Variants in SLC16A7 observed in about 807,000 individuals in gnomAD.
SLC16A7 encodes solute carrier family 16 member 7.
A neutral mutation model predicts 34.9 loss-of-function variants in SLC16A7; 33 were observed. The observed-to-expected ratio is 0.94, with a 90% CI of 0.72 to 1.26. SLC16A7 has a LOEUF of 1.26. Among genes scored for constraint, SLC16A7 ranks in the 50% most tolerant of loss-of-function variants. The pLI is 0.00. For synonymous variants in SLC16A7, 201 were observed against 206.6 expected, an observed-to-expected ratio of 0.97 and a Z score of 0.23; for missense variants, 573 against 578.1, an observed-to-expected ratio of 0.99 and a Z score of 0.09.
intron 1 of SLC16A7, among the ~76,000 whole-genome samples, chr12:59,604,652 T>A (rs1182095208): frequency 1.3e-5 from 2 of 152,072 alleles, no homozygotes; most frequent in Admixed American, 6.6e-5. Context: ...GAGGAAGCAT[T>A]TTTGTTATCC....
In SLC16A7 at chr12:59,775,112, A is replaced by G; in HGVS notation, c.817A>G (p.Lys273Glu). The change falls in exon 5 of 6, where the codon AAA becomes GAA. Residue 273 changes from lysine to glutamate, a missense_variant. Transcript: ENST00000547379. ...CATTATATTCTTGGCTCCATATGCT[A>G]AAGACCAAGGAATTGATGAGTACTC... ...APIIFLAPYA[K>E]DQGIDEYSAA... 3 of 1,614,102 alleles carry G rather than the reference A, an allele frequency of 1.9e-6. No homozygotes were observed. Among genetic ancestry groups the G allele is most frequent in the Non-Finnish European group, 2.5e-6 (3 of 1,179,996 alleles).
chr12:59,631,112 A>G (rs1256402533), intron 1 of SLC16A7, among the ~76,000 whole-genome samples: 2 of 151,908 alleles, frequency 1.3e-5, no homozygotes, highest in Non-Finnish European at 2.9e-5. Flanking sequence ...AGCTGCATCA[A>G]TTTGGTATCC....
At chr12:59,693,026 G>A (rs1871856559) in intron 2 of SLC16A7, among the ~76,000 whole-genome samples, 2 of 151,742 alleles carry the variant, frequency 1.3e-5, no homozygotes, top group Admixed American at 1.3e-4. Flanking sequence ...AAAGAAAATA[G>A]CCAAAAAACC....
intron 2 of SLC16A7, among the ~76,000 whole-genome samples, chr12:59,688,212 C>G (rs1871305884): frequency 6.6e-6 from 1 of 151,896 alleles, no homozygotes; most frequent in Admixed American, 6.6e-5. Flanking sequence ...ATTGGGGAAG[C>G]ACATAGCTGG....
chr12:59,639,615 G>A (rs1222151072), intron 1 of SLC16A7, among the ~76,000 whole-genome samples: 1 of 151,982 alleles, frequency 6.6e-6, no homozygotes, highest in Non-Finnish European at 1.5e-5. Flanking sequence ...TCAACTCCTG[G>A]GCTCAAGAGA....
In SLC16A7 at chr12:59,783,162, TA is replaced by T. The variant is rs1305368724; in HGVS notation, c.*3489del. On this transcript the variant is annotated 3_prime_UTR_variant, in exon 6 of 6. Coordinates refer to ENST00000547379, the MANE Select transcript of SLC16A7 (RefSeq NM_001270623.2). ...AAACATTTTTTATCTAAAACACCTT[TA>T]AAAAATCCCTTTCATATGTAGAATG... is the stretch of plus-strand genomic sequence containing the variant. 1.3e-5 allele frequency: 2 copies of T among 152,132 alleles called. No homozygotes were observed. Among genetic ancestry groups the T allele is most frequent in the Non-Finnish European group, 2.9e-5 (2 of 68,016 alleles). The allele number at this position is 152,132 out of a possible 1,614,324, so 9.4% of individuals were successfully genotyped here. A position where few individuals can be genotyped will look rare whatever the true frequency, so the allele number is the denominator to read the frequency against.
chr12:59,604,941 G>A (rs1405784301), intron 1 of SLC16A7, among the ~76,000 whole-genome samples: 1 of 152,150 alleles, frequency 6.6e-6, no homozygotes, highest in Non-Finnish European at 1.5e-5. Context: ...CTGCGTCCTA[G>A]GTTCATGCCA....
At position 59,630,691 on chromosome 12, in the gene SLC16A7, T is replaced by C. The variant is rs578183285; in HGVS notation, c.-129-24461T>C. On this transcript the variant is annotated intron_variant, in intron 1 of 5. Transcript: ENST00000547379. ...CAAATTTTGAAAATTATTATGTCAATGGAATATATATGCATCAAATTTCTA... is the reference window on the plus strand; with the variant it reads ...CAAATTTTGAAAATTATTATGTCAACGGAATATATATGCATCAAATTTCTA... 2.0e-4 allele frequency among the ~76,000 whole-genome samples: 31 copies of C among 152,052 alleles called. 1 individual carries two copies. Among genetic ancestry groups the C allele is most frequent in the Admixed American group, 6.6e-4 (10 of 15,250 alleles).
intron 1 of SLC16A7, among the ~76,000 whole-genome samples, chr12:59,612,145 C>T (rs1276592912): frequency 2.6e-5 from 4 of 152,232 alleles, no homozygotes; most frequent in Admixed American, 2.6e-4. Context: ...AGAGTTTCTC[C>T]ATGAGGGCCT....
intron 3 of SLC16A7, among the ~76,000 whole-genome samples, chr12:59,721,683 T>C (rs765284435): frequency 6.6e-6 from 1 of 151,910 alleles, no homozygotes; most frequent in East Asian, 1.9e-4. Context: ...GAATTTTTCT[T>C]GTACCCCTCA....
Position 59,676,149 on chromosome 12 carries a change from C to G in SLC16A7, c.-31+20899C>G, listed in dbSNP as rs574886777. On this transcript the variant is annotated intron_variant, in intron 2 of 5. Transcript: ENST00000547379. ...ATTAAGTCTCAAAACCTAAAGTTGA[C>G]AGCAGAGTCATTGTACAGATTGATG... Among the ~76,000 whole-genome samples, 14 of 152,236 alleles carry G rather than the reference C, an allele frequency of 9.2e-5. No homozygotes were observed. In the South Asian group the frequency reaches 2.9e-3, roughly 32 times the overall value.
intron 3 of SLC16A7, among the ~76,000 whole-genome samples, chr12:59,740,949 C>A (rs1458111003): frequency 6.6e-6 from 1 of 152,184 alleles, no homozygotes; most frequent in Non-Finnish European, 1.5e-5. Flanking sequence ...CATGTGTGAA[C>A]TCCCTTTCAC....
At chr12:59,623,442 A>C (rs1478352828) in intron 1 of SLC16A7, among the ~76,000 whole-genome samples, 1 of 151,656 alleles carries the variant, frequency 6.6e-6, no homozygotes, top group Non-Finnish European at 1.5e-5. Context: ...CTATCTCCCT[A>C]TTCTGGTCTT....
chr12:59,627,290 A>G (rs773847674), intron 1 of SLC16A7, among the ~76,000 whole-genome samples: 2 of 151,922 alleles, frequency 1.3e-5, no homozygotes, highest in Non-Finnish European at 1.5e-5. Context: ...GCACTTATTT[A>G]GAAAAAGTAA....
At chr12:59,657,140 T>C (rs1868577484) in intron 2 of SLC16A7, among the ~76,000 whole-genome samples, 1 of 151,994 alleles carries the variant, frequency 6.6e-6, no homozygotes, top group South Asian at 2.1e-4. Context: ...TCTAGATTCA[T>C]TTTCTTTATT....
At chr12:59,700,063 A>G (rs1872709506) in intron 2 of SLC16A7, among the ~76,000 whole-genome samples, 2 of 151,816 alleles carry the variant, frequency 1.3e-5, no homozygotes, top group South Asian at 4.1e-4. Flanking sequence ...CTTGTGTTAG[A>G]TAAGCTTCAT....
chr12:59,747,843 C>T (rs932688703), intron 3 of SLC16A7, among the ~76,000 whole-genome samples: 7 of 152,208 alleles, frequency 4.6e-5, no homozygotes, highest in African/African-American at 1.4e-4. Context: ...TATATTACTT[C>T]ACTTGATCCT....
chr12:59,606,884 A>G (rs1271670435), intron 1 of SLC16A7, among the ~76,000 whole-genome samples: 3 of 152,086 alleles, frequency 2.0e-5, no homozygotes, highest in Non-Finnish European at 4.4e-5. Context: ...TTATATATAT[A>G]CACACACCCA....
chr12:59,753,093 C>G (rs1879794620), intron 3 of SLC16A7, among the ~76,000 whole-genome samples: 1 of 152,176 alleles, frequency 6.6e-6, no homozygotes, highest in East Asian at 1.9e-4. Context: ...CCTAAAAGAC[C>G]TCCTGAAGGA....
Sources: gnomAD v4.1 joint callset for allele counts (sites outside exome capture counted in the v4.1 genomes callset) on GRCh38, gnomAD v4.1.1 for gene constraint, MANE v1.5 for transcripts, NCBI Gene and HGNC (gene_info 2026-07-23, HGNC 2026-07-21) for gene names.